Variants in TAFA2 observed in about 807,000 individuals in gnomAD.
TAFA2 encodes chemokine-like protein TAFA-2.
In TAFA2, 7 loss-of-function variants were observed where a neutral mutation model predicts 18.8. The observed-to-expected ratio is 0.37, with a 90% CI of 0.21 to 0.70. The LOEUF (loss-of-function observed/expected upper bound fraction) is 0.70. Among genes scored for constraint, TAFA2 ranks in the 30% least tolerant of loss-of-function variants. The pLI is 0.53. For missense variants in TAFA2, 122 were observed against 158.1 expected (o/e 0.77, Z 1.23); for synonymous variants, 60 against 54.2 (o/e 1.11, Z -0.47).
At chr12:62,214,489 G>C (rs1412301848) in intron 1 of TAFA2, among the ~76,000 whole-genome samples, 1 of 151,960 alleles carries the variant, frequency 6.6e-6, no homozygotes, top group African/African-American at 2.4e-5. Context: ...CCCAGTCTTG[G>C]GTATGTCTTT....
intron 1 of TAFA2, among the ~76,000 whole-genome samples, chr12:62,134,478 A>T (rs1447368443): frequency 6.6e-6 from 1 of 152,014 alleles, no homozygotes; most frequent in Non-Finnish European, 1.5e-5. Flanking sequence ...GCAGATACTG[A>T]ATCCACCAGC....
At chr12:62,237,373 T>A (rs1441373934) in intron 1 of TAFA2, among the ~76,000 whole-genome samples, 1 of 152,242 alleles carries the variant, frequency 6.6e-6, no homozygotes, top group Non-Finnish European at 1.5e-5. Context: ...TGTTCCAGAT[T>A]TCTGTTTGAC....
At chr12:62,245,334 G>T (rs985594518) in intron 1 of TAFA2, among the ~76,000 whole-genome samples, 1 of 151,648 alleles carries the variant, frequency 6.6e-6, no homozygotes, top group Non-Finnish European at 1.5e-5. Flanking sequence ...TCTTCCCTTT[G>T]TCCATCCCTT....
rs191270012 is a variant in TAFA2 at position 61,884,290 on chromosome 12, A to T, written c.-1-16864T>A. On this transcript the variant is annotated intron_variant, in intron 1 of 4. Coordinates refer to ENST00000416284, the MANE Select transcript of TAFA2 (RefSeq NM_178539.5). ...TTAATGTAGTAGGTACCAGCGAGGC[A>T]CTGGGGGACTGCAAAGGACATCAGC... 6.6e-5 allele frequency among the ~76,000 whole-genome samples: 10 copies of T among 152,302 alleles called. No individual in the cohort carries two copies. The East Asian group carries it at 1.5e-3, about 24-fold the overall frequency.
chr12:61,845,978 A>T (rs1873387628), intron 2 of TAFA2, among the ~76,000 whole-genome samples: 1 of 152,190 alleles, frequency 6.6e-6, no homozygotes, highest in Non-Finnish European at 1.5e-5. Context: ...TAGCCACAGA[A>T]TTCATTTTAT....
At chr12:61,744,497 G>A (rs1456652488) in intron 4 of TAFA2, among the ~76,000 whole-genome samples, 1 of 151,914 alleles carries the variant, frequency 6.6e-6, no homozygotes, top group Non-Finnish European at 1.5e-5. Flanking sequence ...GACACTCTTG[G>A]CCCTATTAAA....
chr12:61,780,201 C>T (rs536605062), intron 2 of TAFA2, among the ~76,000 whole-genome samples: 1 of 151,814 alleles, frequency 6.6e-6, no homozygotes, highest in African/African-American at 2.4e-5. Context: ...AGGATAAATG[C>T]CAACAGGTGT....
chr12:61,738,501 G>C (rs1475585966), intron 4 of TAFA2, among the ~76,000 whole-genome samples: 1 of 152,008 alleles, frequency 6.6e-6, no homozygotes, highest in Non-Finnish European at 1.5e-5. Context: ...AAGAAGAATT[G>C]TCTCCTTCAC....
intron 1 of TAFA2, among the ~76,000 whole-genome samples, chr12:61,975,141 C>T (rs116222208): frequency 8.8e-4 from 133 of 151,720 alleles, no homozygotes; most frequent in African/African-American, 3.0e-3. Context: ...TACATAGTTA[C>T]GTTTTGTGTT....
intron 1 of TAFA2, among the ~76,000 whole-genome samples, chr12:61,900,437 G>T (rs1049760484): frequency 6.6e-6 from 1 of 152,126 alleles, no homozygotes; most frequent in African/African-American, 2.4e-5. Flanking sequence ...GCTAATAAAG[G>T]CATACCCAAG....
chr12:61,907,866 A>G (rs1338580399), intron 1 of TAFA2, among the ~76,000 whole-genome samples: 1 of 152,118 alleles, frequency 6.6e-6, no homozygotes, highest in Non-Finnish European at 1.5e-5. Flanking sequence ...ATCATTTTGG[A>G]ACTTTAAGTT....
chr12:62,080,247 A>G (rs1482506465), intron 1 of TAFA2, among the ~76,000 whole-genome samples: 1 of 152,210 alleles, frequency 6.6e-6, no homozygotes, highest in East Asian at 1.9e-4. Flanking sequence ...ACTCACTTAG[A>G]ATCCCTTTCT....
chr12:62,010,378 C>T (rs983599445), intron 1 of TAFA2, among the ~76,000 whole-genome samples: 21 of 152,122 alleles, frequency 1.4e-4, no homozygotes, highest in African/African-American at 4.6e-4. Context: ...GGCTGGTCTC[C>T]GGCTCCTGAC....
intron 4 of TAFA2, among the ~76,000 whole-genome samples, chr12:61,715,000 C>G (rs966196117): frequency 6.6e-6 from 1 of 152,184 alleles, no homozygotes; most frequent in Non-Finnish European, 1.5e-5. Flanking sequence ...CTAGCTGACC[C>G]TTGGCCTCCC....
At chr12:62,014,671 C>A (rs1205722266) in intron 1 of TAFA2, among the ~76,000 whole-genome samples, 1 of 152,068 alleles carries the variant, frequency 6.6e-6, no homozygotes, top group African/African-American at 2.4e-5. Flanking sequence ...GTTCAGTTGT[C>A]AGTAATTTTC....
intron 1 of TAFA2, among the ~76,000 whole-genome samples, chr12:61,871,224 G>A (rs1874588768): frequency 6.6e-6 from 1 of 152,120 alleles, no homozygotes; most frequent in Non-Finnish European, 1.5e-5. Flanking sequence ...TGAACAAAGT[G>A]AAACATAATA....
intron 1 of TAFA2, among the ~76,000 whole-genome samples, chr12:62,119,801 C>T (rs9706154): frequency 0.22 from 33,951 of 152,002 alleles, 4,177 homozygotes; most frequent in East Asian, 0.37. Context: ...TGGCCGGGCA[C>T]GGTGGCTCAC....
At chr12:62,147,369 T>C (rs1289476914) in intron 1 of TAFA2, among the ~76,000 whole-genome samples, 1 of 105,270 alleles carries the variant, frequency 9.5e-6, no homozygotes, top group African/African-American at 3.7e-5. Flanking sequence ...TATATATATA[T>C]AGCAAATGCA....
At chr12:62,020,983 C>T (rs2136728974) in intron 1 of TAFA2, among the ~76,000 whole-genome samples, 1 of 152,284 alleles carries the variant, frequency 6.6e-6, no homozygotes, top group South Asian at 2.1e-4. Flanking sequence ...CACTCCTTTG[C>T]CTATTGTCCA....
Sources: allele counts gnomAD v4.1 joint callset (sites outside exome capture counted in the v4.1 genomes callset), GRCh38; gene constraint gnomAD v4.1.1; transcripts MANE v1.5; gene names NCBI Gene and HGNC (gene_info 2026-07-23, HGNC 2026-07-21).